The following MAP3K3 variants were observed in gnomAD, a reference collection of about 807,000 sequenced individuals.
MAP3K3 encodes mitogen-activated protein kinase kinase kinase 3.
MAP3K3 carries 12 observed loss-of-function variants against 80.9 expected under a neutral mutation model. The observed-to-expected ratio is 0.15, with a 90% CI of 0.10 to 0.24. The LOEUF (loss-of-function observed/expected upper bound fraction) is 0.24, where lower values mean the gene tolerates loss of function less well. Ranked by LOEUF, MAP3K3 falls within the 10% of genes least tolerant of loss-of-function variation. The pLI, the probability that MAP3K3 is intolerant of heterozygous loss-of-function variation, is 1.00. For missense variants in MAP3K3, 596 were observed against 834.7 expected, an observed-to-expected ratio of 0.71 and a Z score of 3.52; for synonymous variants, 272 against 307.1, an observed-to-expected ratio of 0.89 and a Z score of 1.19.
At chr17:63,685,708 C>T in intron 8 of MAP3K3, 118 bp downstream of exon 8, 2 of 788,400 alleles carry the variant, frequency 2.5e-6, no homozygotes, top group Admixed American at 2.1e-5. Context: ...CTAGGAAAAG[C>T]CTTCTCCTTA....
intron 5 of MAP3K3, among the ~76,000 whole-genome samples, chr17:63,664,009 G>A (rs35265837): frequency 0.02 from 2,974 of 152,120 alleles, 41 homozygotes; most frequent in Non-Finnish European, 0.032. Context: ...TTGGGAGGCC[G>A]AGGCGGGCGG....
intron 4 of MAP3K3, among the ~76,000 whole-genome samples, chr17:63,657,509 A>G (rs1260706538): frequency 6.6e-6 from 1 of 152,202 alleles, no homozygotes; most frequent in Non-Finnish European, 1.5e-5. Flanking sequence ...AGGAGTGACT[A>G]TAAATGGGCA....
intron 6 of MAP3K3, among the ~76,000 whole-genome samples, chr17:63,667,741 C>A (rs2035028411): frequency 2.0e-5 from 3 of 152,042 alleles, no homozygotes; most frequent in African/African-American, 7.2e-5. Flanking sequence ...GTAAATAGTT[C>A]TTATGCTATA....
At chr17:63,678,090 G>C (rs1240275509) in intron 6 of MAP3K3, among the ~76,000 whole-genome samples, 6 of 152,146 alleles carry the variant, frequency 3.9e-5, no homozygotes, top group Admixed American at 3.3e-4. Flanking sequence ...TGGCTGAACT[G>C]TATGAGAGTC....
In MAP3K3 at chr17:63,635,252, T is replaced by C. The variant is rs138189562; in HGVS notation, c.126+2450T>C. 3.3e-5 allele frequency among the ~76,000 whole-genome samples: 5 copies of C among 152,320 alleles called. No individual in the cohort carries two copies. The East Asian group carries it at 9.7e-4, about 29-fold the overall frequency. Reference sequence around the variant, plus strand: ...GTATATGCTTGGAGATGTGTAGATATTCATTGGTATGTTCATTCCTTACAC... The same window carrying C: ...GTATATGCTTGGAGATGTGTAGATACTCATTGGTATGTTCATTCCTTACAC... On this transcript the variant is annotated intron_variant, in intron 2 of 15. Coordinates refer to ENST00000361733, the MANE Select transcript of MAP3K3 (RefSeq NM_002401.5).
rs775855522 is a variant in MAP3K3 at position 63,693,534 on chromosome 17, G to T, written c.1653-15G>T. 1.3e-6 allele frequency: 2 copies of T among 1,594,580 alleles called. No homozygotes were observed. Among genetic ancestry groups the T allele is most frequent in the Non-Finnish European group, 1.7e-6 (2 of 1,171,892 alleles). On this transcript the variant is annotated splice_polypyrimidine_tract_variant and intron_variant, in intron 15 of 15. Transcript: ENST00000361733. This position sits in a 1 kb window ranked among gnomAD's most constrained non-coding sequence, Gnocchi z 4.2. ...AGGGCTGGCTGAGGGGTGACACGGG[G>T]TTCTCTCTTTCCAGGAGCCTGGGCT...
intron 2 of MAP3K3, among the ~76,000 whole-genome samples, chr17:63,644,829 ATTAAT>A (rs2034509944): frequency 1.3e-5 from 2 of 152,186 alleles, no homozygotes; most frequent in Admixed American, 1.3e-4. Context: ...GCCACAGCCT[ATTAAT>A]TTGTCTTCTT....
At chr17:63,664,717 T>C (rs552444220) in intron 5 of MAP3K3, among the ~76,000 whole-genome samples, 39 of 152,232 alleles carry the variant, frequency 2.6e-4, no homozygotes, top group Non-Finnish European at 4.9e-4. Flanking sequence ...ATCTTCTATT[T>C]GTTGTCTTTA....
chr17:63,650,287 T>C (rs1025946076), intron 3 of MAP3K3, among the ~76,000 whole-genome samples: 5 of 152,338 alleles, frequency 3.3e-5, no homozygotes, highest in African/African-American at 1.2e-4. Flanking sequence ...TGGCTTATTT[T>C]GCAATCAGAA....
rs548388775 is a variant in MAP3K3 at position 63,622,922 on chromosome 17, C to T, written c.4+159C>T. ...GCCGGCCGGCCGCCCGCCCCGCTCG[C>T]GCGCCGCGGCCCGGGCGGGGGTTCT... On this transcript the variant is annotated intron_variant, in intron 1 of 15. Transcript: ENST00000361733. Among the ~76,000 whole-genome samples, 4 of 145,352 alleles carry T rather than the reference C, an allele frequency of 2.8e-5. 1 individual carries two copies. In the East Asian group the frequency reaches 8.2e-4, roughly 30 times the overall value.
At chr17:63,666,796 AT>A in intron 5 of MAP3K3, 143 bp from the exon 6 acceptor site, 2 of 814,904 alleles carry the variant, frequency 2.5e-6, no homozygotes, top group South Asian at 3.3e-5. Context: ...GAAGAGTGAG[AT>A]TTGGGGGAAA....
chr17:63,657,945 A>G, intron 5 of MAP3K3, 38 bp downstream of exon 5: 8 of 1,234,414 alleles, frequency 6.5e-6, no homozygotes, highest in Non-Finnish European at 9.3e-6. Flanking sequence ...GCTGAAGACA[A>G]AGCTTGCTTT....
chr17:63,670,720 G>A (rs2035090662), intron 6 of MAP3K3, among the ~76,000 whole-genome samples: 1 of 152,092 alleles, frequency 6.6e-6, no homozygotes, highest in Non-Finnish European at 1.5e-5. Flanking sequence ...CAAAAGGGAT[G>A]CAAGGAAGAG....
chr17:63,667,105 C>A, intron 6 of MAP3K3, 45 bp downstream of exon 6: 1 of 1,532,836 alleles, frequency 6.5e-7, no homozygotes, highest in Non-Finnish European at 8.7e-7. Context: ...TTTATCTGCC[C>A]ACATTTTAAA....
At chr17:63,626,677 T>G (rs2034109332) in intron 1 of MAP3K3, among the ~76,000 whole-genome samples, 1 of 152,162 alleles carries the variant, frequency 6.6e-6, no homozygotes, top group Non-Finnish European at 1.5e-5. Flanking sequence ...CATTGTAAAA[T>G]GATGTTTGCC....
intron 1 of MAP3K3, among the ~76,000 whole-genome samples, chr17:63,626,583 C>G (rs950593258): frequency 1.1e-4 from 17 of 152,212 alleles, no homozygotes; most frequent in African/African-American, 4.1e-4. Context: ...CAGCATTTGA[C>G]TTTGAGATTT....
At chr17:63,625,224 A>G (rs1353586216) in intron 1 of MAP3K3, among the ~76,000 whole-genome samples, 2 of 152,078 alleles carry the variant, frequency 1.3e-5, no homozygotes, top group African/African-American at 4.8e-5. Context: ...CAGATTTTAT[A>G]TTGTCTGTTA....
At chr17:63,658,991 C>T (rs2143399418) in intron 5 of MAP3K3, among the ~76,000 whole-genome samples, 1 of 152,304 alleles carries the variant, frequency 6.6e-6, no homozygotes, top group South Asian at 2.1e-4. Flanking sequence ...CCGCCTCGGA[C>T]TCCCAAAGTG....
Position 63,689,227 on chromosome 17 carries a change from G to A in MAP3K3, c.872-317G>A. On this transcript the variant is annotated intron_variant, in intron 10 of 15. Coordinates refer to ENST00000361733, the MANE Select transcript of MAP3K3 (RefSeq NM_002401.5). The surrounding 1 kb of genome is among the most constrained non-coding windows in gnomAD (Gnocchi z 4.3). ...AAGGAAATCAGTGCCTTCGGGTGTGGCTTGGCCTTGCAAGCAATTGGGAGC... is the reference window on the plus strand; with the variant it reads ...AAGGAAATCAGTGCCTTCGGGTGTGACTTGGCCTTGCAAGCAATTGGGAGC... The A allele has an allele frequency of 1.9e-6, 1 of 525,108 alleles. No individual in the cohort carries two copies. Among genetic ancestry groups the A allele is most frequent in the Non-Finnish European group, 3.4e-6 (1 of 293,690 alleles). The allele number at this position is 525,108 out of a possible 1,614,324, so 32.5% of individuals were successfully genotyped here.
Sources: allele counts gnomAD v4.1 joint callset (sites outside exome capture counted in the v4.1 genomes callset), GRCh38; gene constraint gnomAD v4.1.1; non-coding constraint Gnocchi (gnomAD v3.1); transcripts MANE v1.5; gene names NCBI Gene and HGNC (gene_info 2026-07-23, HGNC 2026-07-21).